The following PRELID2 variants were observed in gnomAD, a reference collection of about 807,000 sequenced individuals.
PRELID2 encodes PRELI domain containing 2, also known as PRELI domain-containing protein 2.
PRELID2 carries 25 observed loss-of-function variants against 28.4 expected under a neutral mutation model. That is an observed-to-expected ratio of 0.88 (90% CI 0.64 to 1.23). The LOEUF (loss-of-function observed/expected upper bound fraction) is 1.23. PRELID2 is among the 50% of genes most tolerant of loss of function. The pLI, the probability that PRELID2 is intolerant of heterozygous loss-of-function variation, is 0.00. For missense variants in PRELID2, 201 were observed against 214.4 expected (o/e 0.94, Z 0.39); for synonymous variants, 76 against 71.6 (o/e 1.06, Z -0.31).
the PRELID2 span, among the ~76,000 whole-genome samples, chr5:145,455,423 A>T: frequency 1.3e-5 from 2 of 152,074 alleles, no homozygotes. Context: ...TCTTGGCTAT[A>T]TGGGCTCTTT....
In PRELID2 at chr5:145,796,449, G is replaced by C; in HGVS notation, c.467C>G (p.Ala156Gly). Reference sequence around the variant, plus strand: ...AAGCAGAAATATGGTTACCTTCTGGGCTCCCTGTCGTAAGAATGTGCTGGC... The same window carrying C: ...AAGCAGAAATATGGTTACCTTCTGGCCTCCCTGTCGTAAGAATGTGCTGGC... ...TFASTFLRQG[A>G]QKGIRIMEML... Residue 156 changes from alanine to glycine, a missense_variant, in exon 5 of 7, where the codon GCC (alanine) becomes GGC (glycine). Transcript: ENST00000683046. The C allele has an allele frequency of 6.2e-7, 1 of 1,604,680 alleles. No individual in the cohort carries two copies. The highest frequency in any genetic ancestry group is 8.5e-7 in the Non-Finnish European group (1 of 1,173,282).
chr5:145,555,183 T>C (rs866020193), intron 1 of PRELID2, among the ~76,000 whole-genome samples: 3 of 152,206 alleles, frequency 2.0e-5, no homozygotes, highest in South Asian at 2.1e-4. Context: ...GCAGTGTCCA[T>C]CAAAGTGTGA....
chr5:145,452,264 A>G, the PRELID2 span, among the ~76,000 whole-genome samples: 1 of 152,142 alleles, frequency 6.6e-6, no homozygotes, highest in Non-Finnish European at 1.5e-5. Flanking sequence ...GTCCATGCTC[A>G]TTAGCATAGT....
chr5:145,265,722 A>G, the PRELID2 span, among the ~76,000 whole-genome samples: 2 of 152,178 alleles, frequency 1.3e-5, no homozygotes, highest in African/African-American at 4.8e-5. Context: ...AAGACACCCT[A>G]TTCAACAAAT....
At chr5:145,283,442 G>C in the PRELID2 span, among the ~76,000 whole-genome samples, 1 of 152,198 alleles carries the variant, frequency 6.6e-6, no homozygotes, top group Non-Finnish European at 1.5e-5. Flanking sequence ...TCTCTAAGTG[G>C]ATGTTTATTG....
At chr5:145,787,898 C>T (rs1251657972) in intron 5 of PRELID2, among the ~76,000 whole-genome samples, 1 of 152,054 alleles carries the variant, frequency 6.6e-6, no homozygotes, top group East Asian at 1.9e-4. Flanking sequence ...AATAATCAGT[C>T]TATCTATGGT....
At chr5:145,656,301 G>A (rs1418517152) in intron 1 of PRELID2, among the ~76,000 whole-genome samples, 1 of 152,150 alleles carries the variant, frequency 6.6e-6, no homozygotes, top group South Asian at 2.1e-4. Context: ...TACACTGTTG[G>A]TCGGACTGTA....
intron 1 of PRELID2, among the ~76,000 whole-genome samples, chr5:145,493,911 AT>A (rs1372284603): frequency 6.6e-6 from 1 of 152,204 alleles, no homozygotes; most frequent in African/African-American, 2.4e-5. Context: ...CACTTAAACT[AT>A]ATGTCAGATG....
chr5:145,336,358 T>C, the PRELID2 span, among the ~76,000 whole-genome samples: 1 of 151,466 alleles, frequency 6.6e-6, no homozygotes, highest in Admixed American at 6.6e-5. Context: ...CATGCCTATG[T>C]CCTGAATGGT....
chr5:145,240,216 AT>A, the PRELID2 span, among the ~76,000 whole-genome samples: 1 of 151,658 alleles, frequency 6.6e-6, no homozygotes, highest in Non-Finnish European at 1.5e-5. Context: ...TTTCTTTTTA[AT>A]TTTCACTTTC....
At chr5:145,577,186 C>T (rs1030552519) in intron 1 of PRELID2, among the ~76,000 whole-genome samples, 4 of 152,026 alleles carry the variant, frequency 2.6e-5, no homozygotes, top group African/African-American at 9.7e-5. Context: ...AGTGCATAGC[C>T]AGAGTATCAA....
chr5:145,742,326 A>ATTTT (rs201505408), intron 1 of PRELID2, among the ~76,000 whole-genome samples: 2 of 136,626 alleles, frequency 1.5e-5, no homozygotes, highest in Admixed American at 7.7e-5. Flanking sequence ...AAAAATAGAT[A>ATTTT]TATTTTTTTT....
chr5:145,607,836 G>C (rs116760050), intron 1 of PRELID2, among the ~76,000 whole-genome samples: 122 of 152,306 alleles, frequency 8.0e-4, no homozygotes, highest in African/African-American at 2.8e-3. Flanking sequence ...AATACTGTCA[G>C]TGGGGTATTG....
chr5:145,476,378 C>T (rs1292310133), intron 1 of PRELID2, among the ~76,000 whole-genome samples: 3 of 152,254 alleles, frequency 2.0e-5, no homozygotes, highest in African/African-American at 4.8e-5. Context: ...GGAGTGGTGG[C>T]TCACGCCTGT....
At chr5:145,627,317 T>C (rs1447252228) in intron 1 of PRELID2, among the ~76,000 whole-genome samples, 1 of 151,778 alleles carries the variant, frequency 6.6e-6, no homozygotes, top group East Asian at 1.9e-4. Context: ...ACAATGGGTA[T>C]ACATACCTAT....
At chr5:145,533,907 C>A (rs1322917168) in intron 1 of PRELID2, among the ~76,000 whole-genome samples, 1 of 151,954 alleles carries the variant, frequency 6.6e-6, no homozygotes, top group Non-Finnish European at 1.5e-5. Context: ...CTTAGATGCA[C>A]AAAAATCTTT....
chr5:145,753,893 A>G (rs551815095), downstream of PRELID2, among the ~76,000 whole-genome samples: 1 of 152,090 alleles, frequency 6.6e-6, no homozygotes, highest in Non-Finnish European at 1.5e-5. Context: ...TCGCTACCAC[A>G]GTGACTTTGC....
intron 1 of PRELID2, among the ~76,000 whole-genome samples, chr5:145,660,792 T>C (rs1405383271): frequency 6.6e-6 from 1 of 152,096 alleles, no homozygotes; most frequent in African/African-American, 2.4e-5. Context: ...AAAGAAGATA[T>C]CAAAAATGCA....
the PRELID2 span, among the ~76,000 whole-genome samples, chr5:145,276,441 A>G: frequency 1.1e-4 from 17 of 152,164 alleles, no homozygotes; most frequent in Non-Finnish European, 2.1e-4. Context: ...AATTGCCTCC[A>G]AATGAAAGAA....
Sources: gnomAD v4.1 joint callset for allele counts (sites outside exome capture counted in the v4.1 genomes callset) on GRCh38, gnomAD v4.1.1 for gene constraint, MANE v1.5 for transcripts, NCBI Gene and HGNC (gene_info 2026-07-23, HGNC 2026-07-21) for gene names.